The following SNX2 variants were observed in gnomAD, a reference collection of about 807,000 sequenced individuals.
SNX2 encodes sorting nexin-2.
Under a neutral mutation model 69.9 loss-of-function variants are expected in SNX2, and 25 were observed. The observed-to-expected ratio is 0.36, with a 90% CI of 0.26 to 0.50. The LOEUF (loss-of-function observed/expected upper bound fraction) is 0.50, where lower values mean the gene tolerates loss of function less well. SNX2 is among the 20% of genes least tolerant of loss of function. The probability of loss-of-function intolerance (pLI) is 0.97; values close to 1 mark genes in which losing one functional copy is unlikely to be tolerated. For synonymous variants in SNX2, 229 were observed against 200.4 expected (o/e 1.14, Z -1.20); for missense variants, 551 against 613.3 (o/e 0.90, Z 1.07).
intron 1 of SNX2, among the ~76,000 whole-genome samples, chr5:122,782,888 AT>A (rs906116383): frequency 3.3e-5 from 5 of 151,332 alleles, no homozygotes; most frequent in African/African-American, 7.3e-5. Flanking sequence ...TGTTGTGAAT[AT>A]TTTTTTTCCC....
At position 122,785,053 on chromosome 5, in the gene SNX2, G is replaced by C. The variant is rs867225366; in HGVS notation, c.108+9842G>C. Among the ~76,000 whole-genome samples, 8 of 152,144 alleles carry C rather than the reference G, an allele frequency of 5.3e-5. No individual in the cohort carries two copies. In the South Asian group the frequency reaches 1.2e-3, roughly 24 times the overall value. ...AACATGTTTGTGGAGTCTGTGGATG[G>C]TAAACTTTTCTTTTTTTTCCTGATA... is the stretch of plus-strand genomic sequence containing the variant. On this transcript the variant is annotated intron_variant, in intron 1 of 14. Transcript: ENST00000379516.
At chr5:122,783,473 T>C (rs1009520775) in intron 1 of SNX2, among the ~76,000 whole-genome samples, 3 of 152,164 alleles carry the variant, frequency 2.0e-5, no homozygotes, top group African/African-American at 7.2e-5. Flanking sequence ...TTGAGTTAAT[T>C]TTTGTGTGAG....
intron 1 of SNX2, among the ~76,000 whole-genome samples, chr5:122,793,251 G>A (rs577286841): frequency 3.4e-4 from 52 of 152,286 alleles, no homozygotes; most frequent in African/African-American, 1.3e-3. Flanking sequence ...AGTGGTTCAA[G>A]TATGGTATTC....
intron 11 of SNX2, among the ~76,000 whole-genome samples, chr5:122,824,536 A>C (rs1193165964): frequency 6.6e-6 from 1 of 152,226 alleles, no homozygotes; most frequent in Non-Finnish European, 1.5e-5. Context: ...AATTAAATAT[A>C]GCAAAGTGGA....
chr5:122,816,892 C>T, intron 8 of SNX2, 23 bp from the exon 9 acceptor site: 1 of 1,484,728 alleles, frequency 6.7e-7, no homozygotes, highest in Non-Finnish European at 9.4e-7. Context: ...GTTTGTTTGC[C>T]CTTATTTGTC....
At chr5:122,774,996 A>G, upstream of SNX2, 2 of 1,110,356 alleles carry the variant, frequency 1.8e-6, no homozygotes, top group Non-Finnish European at 1.2e-6. Context: ...GGGCCTTGAG[A>G]GGCCGGCCGG....
chr5:122,792,800 A>G (rs1581628958), intron 1 of SNX2, among the ~76,000 whole-genome samples: 1 of 152,210 alleles, frequency 6.6e-6, no homozygotes, highest in Non-Finnish European at 1.5e-5. Flanking sequence ...AATAGGAACA[A>G]TAGAAAAATG....
chr5:122,824,721 T>C (rs1262278765), intron 11 of SNX2, among the ~76,000 whole-genome samples: 1 of 152,212 alleles, frequency 6.6e-6, no homozygotes, highest in East Asian at 1.9e-4. Context: ...CCATATGATA[T>C]AAATGCTTTT....
chr5:122,811,536 A>C (rs1296993989), intron 7 of SNX2, among the ~76,000 whole-genome samples: 2 of 152,110 alleles, frequency 1.3e-5, no homozygotes, highest in South Asian at 4.1e-4. Flanking sequence ...TTTGTCTTTA[A>C]AGTGTAAGTG....
rs1028940739 is a variant in SNX2, at chr5:122,829,957, T to G, written c.*309T>G. ...TAGTGCACTGCAAGACCAGAAAATT[T>G]TACAATATTTTTTCTTTACAATATG... On this transcript the variant is annotated 3_prime_UTR_variant, in exon 15 of 15. Coordinates refer to ENST00000379516, the MANE Select transcript of SNX2 (RefSeq NM_003100.4). 1 of 309,328 alleles carries G rather than the reference T, an allele frequency of 3.2e-6. No individual in the cohort carries two copies. The highest frequency in any genetic ancestry group is 2.2e-5 in the African/African-American group (1 of 46,478). 19.2% of individuals were successfully genotyped at this position (309,328 alleles called of 1,614,324 possible).
chr5:122,829,316 T>A (rs1391043483), intron 14 of SNX2, among the ~76,000 whole-genome samples: 1 of 152,058 alleles, frequency 6.6e-6, no homozygotes, highest in African/African-American at 2.4e-5. Flanking sequence ...GCTATTCTTG[T>A]ACCTCAGCCT....
chr5:122,806,222 T>C (rs530382097), intron 6 of SNX2, among the ~76,000 whole-genome samples: 1 of 151,758 alleles, frequency 6.6e-6, no homozygotes, highest in East Asian at 1.9e-4. Flanking sequence ...AGTTTATATA[T>C]AGAGAAATTA....
At position 122,829,749 on chromosome 5, in the gene SNX2, T is replaced by C; in HGVS notation, c.*101T>C. The C allele has an allele frequency of 1.1e-6, 1 of 877,132 alleles. No homozygotes were observed. 54.3% of individuals were successfully genotyped at this position (877,132 alleles called of 1,614,324 possible). A position where few individuals can be genotyped will look rare whatever the true frequency, so the allele number is the denominator to read the frequency against. On this transcript the variant is annotated 3_prime_UTR_variant, in exon 15 of 15. Transcript: ENST00000379516. Reference sequence around the variant, plus strand: ...AACCATCTAAATAAACCACTATATATTTTATGAATTACATGTGGTTTTATA... The same window carrying C: ...AACCATCTAAATAAACCACTATATACTTTATGAATTACATGTGGTTTTATA...
chr5:122,792,949 C>T (rs1267711506), intron 1 of SNX2, among the ~76,000 whole-genome samples: 3 of 151,760 alleles, frequency 2.0e-5, no homozygotes, highest in Non-Finnish European at 4.4e-5. Context: ...GCTAGAGTAG[C>T]GAAAGTGAAA....
At chr5:122,789,888 A>G (rs777673188) in intron 1 of SNX2, among the ~76,000 whole-genome samples, 103 of 152,298 alleles carry the variant, frequency 6.8e-4, no homozygotes, top group Middle Eastern at 3.4e-3. Flanking sequence ...AATTTTATCT[A>G]TAGGCTTTAG....
intron 14 of SNX2, 50 bp downstream of exon 14, chr5:122,827,696 T>A: frequency 7.7e-7 from 1 of 1,306,104 alleles, no homozygotes; most frequent in Non-Finnish European, 1.1e-6. Flanking sequence ...GTTTTTGGTA[T>A]ACTTTCTTAT....
At chr5:122,795,653 G>T (rs1753360432) in intron 2 of SNX2, 1 of 267,654 alleles carries the variant, frequency 3.7e-6, no homozygotes. Flanking sequence ...AGATGCAAAA[G>T]ACTAATCATT....
At position 122,827,994 on chromosome 5, in the gene SNX2, A is replaced by G. The variant is rs374533458; in HGVS notation, c.1509+348A>G. On this transcript the variant is annotated intron_variant, in intron 14 of 14. Transcript: ENST00000379516. ...TCATAGTAAGTTCTTCTCTTCCATA[A>G]CAAATAGAACTTAAGCTAAACACTT... 3.3e-5 allele frequency: 6 copies of G among 181,532 alleles called. No individual in the cohort carries two copies. In the South Asian group the frequency reaches 9.1e-4, roughly 28 times the overall value. The allele number at this position is 181,532 out of a possible 1,614,324, so 11.2% of individuals were successfully genotyped here. A position where few individuals can be genotyped will look rare whatever the true frequency, so the allele number is the denominator to read the frequency against.
chr5:122,812,074 G>A (rs899987633), intron 7 of SNX2, among the ~76,000 whole-genome samples: 2 of 152,126 alleles, frequency 1.3e-5, no homozygotes, highest in Non-Finnish European at 2.9e-5. Flanking sequence ...GAGTCCAAAG[G>A]TGTTAATTAA....
Sources: allele counts gnomAD v4.1 joint callset (sites outside exome capture counted in the v4.1 genomes callset), GRCh38; gene constraint gnomAD v4.1.1; transcripts MANE v1.5; gene names NCBI Gene and HGNC (gene_info 2026-07-23, HGNC 2026-07-21).